Variants in SAMD8 observed in about 807,000 individuals in gnomAD.
SAMD8 encodes the protein sterile alpha motif domain containing 8.
Under a neutral mutation model 42.0 loss-of-function variants are expected in SAMD8, and 20 were observed. That is an observed-to-expected ratio of 0.48 (90% confidence interval 0.34 to 0.69). SAMD8 has a LOEUF of 0.69. SAMD8 is among the 30% of genes least tolerant of loss of function. SAMD8 has a pLI of 0.01. For synonymous variants in SAMD8, 162 were observed against 173.0 expected, an observed-to-expected ratio of 0.94 and a Z score of 0.50; for missense variants, 328 against 511.6, an observed-to-expected ratio of 0.64 and a Z score of 3.46.
chr10:75,116,107 T>G (rs1489658016), intron 1 of SAMD8, among the ~76,000 whole-genome samples: 1 of 140,230 alleles, frequency 7.1e-6, no homozygotes, highest in Non-Finnish European at 1.5e-5. Context: ...TTTTTGGTAG[T>G]TTTTTTTTTT....
Position 75,118,912 on chromosome 10 carries a change from A to G in SAMD8, c.-16+7190A>G, listed in dbSNP as rs572357130. 2.6e-5 allele frequency among the ~76,000 whole-genome samples: 4 copies of G among 152,314 alleles called. No homozygotes were observed. In the East Asian group the frequency reaches 5.8e-4, roughly 22 times the overall value. On this transcript the variant is annotated intron_variant, in intron 1 of 5. Coordinates refer to ENST00000542569, the MANE Select transcript of SAMD8 (RefSeq NM_001174156.2). ...TGTTCTGGTTTATGGATCTGCAAAC[A>G]TGTAGTCTTTATTATGTGGATATTA...
At chr10:75,131,816 T>C (rs1849279160) in intron 1 of SAMD8, among the ~76,000 whole-genome samples, 1 of 152,168 alleles carries the variant, frequency 6.6e-6, no homozygotes, top group Admixed American at 6.6e-5. Flanking sequence ...TCAACACCAA[T>C]ATTAACTCTC....
At chr10:75,103,823 C>T (rs535280745) in intron 1 of SAMD8, 4 of 1,192,836 alleles carry the variant, frequency 3.4e-6, no homozygotes, top group Non-Finnish European at 4.4e-6. Flanking sequence ...CCCCTCCCCA[C>T]TTTCCCAGGG....
intron 1 of SAMD8, among the ~76,000 whole-genome samples, chr10:75,130,637 A>G (rs910123234): frequency 3.3e-5 from 5 of 152,190 alleles, no homozygotes; most frequent in African/African-American, 1.2e-4. Flanking sequence ...TTTGTTGTCA[A>G]AATTCTTGGA....
At chr10:75,128,057 T>C (rs1178427115) in intron 1 of SAMD8, among the ~76,000 whole-genome samples, 1 of 151,254 alleles carries the variant, frequency 6.6e-6, no homozygotes, top group Non-Finnish European at 1.5e-5. Context: ...TGGCTCTGAT[T>C]TTTTTTTCTT....
chr10:75,181,226 G>A lies in SAMD8; in HGVS notation c.*4534G>A, dbSNP rs554928497. ...TTAATGCCAACTTGACAGTTTAACA[G>A]TTAGTGTTTGTAAGCAGTTTAGCCT... On this transcript the variant is annotated 3_prime_UTR_variant, in exon 6 of 6. Transcript: ENST00000542569. 1 of 152,308 alleles carries A rather than the reference G, an allele frequency of 6.6e-6. No homozygotes were observed. Among genetic ancestry groups the A allele is most frequent in the East Asian group, 1.9e-4 (1 of 5,190 alleles). The allele number at this position is 152,308 out of a possible 1,614,324, so 9.4% of individuals were successfully genotyped here.
upstream of SAMD8, chr10:75,111,537 G>C: frequency 8.1e-7 from 1 of 1,233,558 alleles, no homozygotes; most frequent in Non-Finnish European, 1.0e-6. Context: ...GGCGGTGACG[G>C]CGGCCGGGAC....
upstream of SAMD8, chr10:75,108,865 G>T (rs1023921142): frequency 1.8e-6 from 2 of 1,092,278 alleles, no homozygotes; most frequent in Non-Finnish European, 2.5e-6. Context: ...CAGCACCCCC[G>T]GGGGTCCTGG....
intron 4 of SAMD8, among the ~76,000 whole-genome samples, chr10:75,169,821 G>A (rs1022220062): frequency 6.6e-6 from 1 of 151,758 alleles, no homozygotes; most frequent in African/African-American, 2.4e-5. Context: ...AGGCATGAGA[G>A]TCACTTGAAC....
At chr10:75,136,220 G>A (rs1055197251) in intron 1 of SAMD8, among the ~76,000 whole-genome samples, 1 of 151,892 alleles carries the variant, frequency 6.6e-6, no homozygotes, top group Admixed American at 6.6e-5. Context: ...CAGAGCTTTT[G>A]TTTTGTGTAA....
chr10:75,105,511 G>C (rs1337994502), intron 1 of SAMD8: 10 of 809,096 alleles, frequency 1.2e-5, no homozygotes, highest in Non-Finnish European at 1.7e-5. Context: ...GCAGTTTGGA[G>C]AGAGGGCCAG....
Position 75,181,991 on chromosome 10 carries a change from A to T in SAMD8, c.*5299A>T, listed in dbSNP as rs1564701040. On this transcript the variant is annotated 3_prime_UTR_variant, in exon 6 of 6. Coordinates refer to ENST00000542569, the MANE Select transcript of SAMD8 (RefSeq NM_001174156.2). ...AAGTTCCTGTGGTAGCCATACCTTG[A>T]AGCACAGTGTTTGTACATAAGTAAA... The T allele has an allele frequency of 6.6e-6, 1 of 152,214 alleles. No individual in the cohort carries two copies. The highest frequency in any genetic ancestry group is 1.5e-5 in the Non-Finnish European group (1 of 68,042). The allele number at this position is 152,214 out of a possible 1,614,324, so 9.4% of individuals were successfully genotyped here. A position where few individuals can be genotyped will look rare whatever the true frequency, so the allele number is the denominator to read the frequency against.
chr10:75,175,897 C>T, intron 4 of SAMD8, 169 bp from the exon 5 acceptor site: 1 of 985,318 alleles, frequency 1.0e-6, no homozygotes, highest in Non-Finnish European at 1.2e-6. Flanking sequence ...CAAGCTTTGC[C>T]CACCCATTCT....
intron 4 of SAMD8, among the ~76,000 whole-genome samples, chr10:75,171,166 T>TC (rs1019284523): frequency 1.7e-5 from 2 of 119,280 alleles, no homozygotes; most frequent in African/African-American, 3.6e-5. Context: ...TTTTCTTTTT[T>TC]TTTTTTTTTT....
upstream of SAMD8, chr10:75,107,874 G>C: frequency 8.0e-7 from 1 of 1,250,548 alleles, no homozygotes; most frequent in Middle Eastern, 2.7e-4. Context: ...ACCACACACG[G>C]CCTAAGCAGA....
At chr10:75,124,007 C>T (rs1325934420) in intron 1 of SAMD8, among the ~76,000 whole-genome samples, 3 of 152,138 alleles carry the variant, frequency 2.0e-5, no homozygotes, top group Non-Finnish European at 2.9e-5. Context: ...AGATTACAGG[C>T]GTGAGCCACT....
At chr10:75,101,755 A>T in intron 1 of SAMD8, 1 of 632,656 alleles carries the variant, frequency 1.6e-6, no homozygotes, top group South Asian at 1.5e-5. Flanking sequence ...TCGGTTCTCT[A>T]CCCAACCCAA....
intron 1 of SAMD8, among the ~76,000 whole-genome samples, chr10:75,146,576 G>C (rs972650821): frequency 2.0e-5 from 3 of 151,932 alleles, no homozygotes; most frequent in Non-Finnish European, 2.9e-5. Flanking sequence ...GTGAGCCACC[G>C]CACCTGGCTG....
rs568220762 is a variant in SAMD8 at position 75,161,965 on chromosome 10, G to A, written c.579-2680G>A. Reference sequence around the variant, plus strand: ...GACAGGGAGAATTGCTTGAACCCAGGAGGCAGAAGTGGCAGTAAGCCAAAA... The same window carrying A: ...GACAGGGAGAATTGCTTGAACCCAGAAGGCAGAAGTGGCAGTAAGCCAAAA... On this transcript the variant is annotated intron_variant, in intron 2 of 5. Transcript: ENST00000542569. Among the ~76,000 whole-genome samples the A allele has an allele frequency of 9.9e-5, 15 of 150,966 alleles. No homozygotes were observed. The East Asian group carries it at 2.7e-3, about 27-fold the overall frequency.
Sources: allele counts gnomAD v4.1 joint callset (sites outside exome capture counted in the v4.1 genomes callset), GRCh38; gene constraint gnomAD v4.1.1; transcripts MANE v1.5; gene names NCBI Gene and HGNC (gene_info 2026-07-23, HGNC 2026-07-21).